MYO18B: variants seen among roughly 807,000 people sequenced by gnomAD.
MYO18B encodes myosin XVIIIB.
Under a neutral mutation model 273.0 loss-of-function variants are expected in MYO18B, and 204 were observed. The observed-to-expected ratio is 0.75, with a 90% CI of 0.67 to 0.84. MYO18B has a LOEUF of 0.84. Ranked by LOEUF, MYO18B falls within the 40% of genes least tolerant of loss-of-function variation. The pLI, the probability that MYO18B is intolerant of heterozygous loss-of-function variation, is 0.00. For synonymous variants in MYO18B, 1,330 were observed against 1,305.7 expected, an observed-to-expected ratio of 1.02 and a Z score of -0.40; for missense variants, 3,212 against 3,287.6, an observed-to-expected ratio of 0.98 and a Z score of 0.56.
chr22:25,954,706 TTTTA>T (rs999507618), intron 38 of MYO18B, among the ~76,000 whole-genome samples: 2 of 152,180 alleles, frequency 1.3e-5, no homozygotes, highest in East Asian at 1.9e-4. Flanking sequence ...ATAGCAGTTA[TTTTA>T]TTTATTTATT....
chr22:25,823,621 C>A lies in MYO18B; in HGVS notation c.2638C>A (p.Gln880Lys). The A allele has an allele frequency of 1.2e-6, 2 of 1,613,980 alleles. No homozygotes were observed. Among genetic ancestry groups the A allele is most frequent in the South Asian group, 2.2e-5 (2 of 91,076 alleles). The change falls in exon 13 of 44, where the codon CAG (glutamine) becomes AAG (lysine). Residue 880 changes from glutamine to lysine, a missense_variant. Gln to Lys is a moderately conservative substitution (Grantham distance 53). Coordinates refer to ENST00000335473, the MANE Select transcript of MYO18B (RefSeq NM_032608.7). ...CAAGCACCACCTTCGACAGATCATC[C>A]AGCAAATGACGTTTGGGCCAAGCCG... ...TFKHHLRQII[Q>K]QMTFGPSRWG...
At chr22:25,814,296 T>TTTTTTTTC in intron 12 of MYO18B, among the ~76,000 whole-genome samples, 1 of 7,688 alleles carries the variant, frequency 1.3e-4, no homozygotes, top group Non-Finnish European at 2.2e-4. Context: ...GCACCGTTCT[T>TTTTTTTTC]TTTTTTTTTT....
chr22:25,998,035 C>T (rs957020364), intron 40 of MYO18B, among the ~76,000 whole-genome samples: 2 of 150,770 alleles, frequency 1.3e-5, no homozygotes, highest in Non-Finnish European at 2.9e-5. Context: ...CTTTGAGAGA[C>T]TTGTTCAAAT....
intron 21 of MYO18B, among the ~76,000 whole-genome samples, chr22:25,860,559 A>G (rs1400258607): frequency 6.6e-6 from 1 of 152,312 alleles, no homozygotes; most frequent in South Asian, 2.1e-4. Flanking sequence ...GATATTTTCT[A>G]ATTCCTAGTG....
At chr22:26,032,586 A>G (rs545319387), downstream of MYO18B, among the ~76,000 whole-genome samples, 21 of 131,042 alleles carry the variant, frequency 1.6e-4, no homozygotes, top group South Asian at 2.7e-3. Context: ...CAGTGGTGTG[A>G]TCTCAGTTCA....
chr22:25,970,806 G>T (rs1340829350), intron 39 of MYO18B, among the ~76,000 whole-genome samples: 2 of 145,950 alleles, frequency 1.4e-5, no homozygotes, highest in African/African-American at 5.5e-5. Flanking sequence ...AAAGCGTCCT[G>T]CTGGAGAGAG....
chr22:26,054,696 A>AT, the MYO18B span, among the ~76,000 whole-genome samples: 1 of 152,054 alleles, frequency 6.6e-6, no homozygotes, highest in East Asian at 1.9e-4. Flanking sequence ...CTGAGCCTTG[A>AT]TTTTTTCCTC....
intron 16 of MYO18B, among the ~76,000 whole-genome samples, chr22:25,834,342 C>T (rs915491872): frequency 1.3e-5 from 2 of 152,110 alleles, no homozygotes; most frequent in Middle Eastern, 3.4e-3. Flanking sequence ...ACCTTCTGAG[C>T]GTGGGCTGGC....
intron 1 of MYO18B, among the ~76,000 whole-genome samples, chr22:25,748,735 C>T (rs967365975): frequency 2.0e-5 from 3 of 152,212 alleles, no homozygotes; most frequent in Admixed American, 6.5e-5. Flanking sequence ...AACCTTCCTG[C>T]CCTTGCTTCT....
intron 11 of MYO18B, among the ~76,000 whole-genome samples, chr22:25,793,161 G>A (rs1461506215): frequency 6.6e-6 from 1 of 152,190 alleles, no homozygotes; most frequent in East Asian, 1.9e-4. Context: ...CCTCTGTGCT[G>A]GGTGCTTTAC....
At chr22:25,742,893 G>A (rs953297765) in intron 1 of MYO18B, among the ~76,000 whole-genome samples, 1 of 152,230 alleles carries the variant, frequency 6.6e-6, no homozygotes, top group Non-Finnish European at 1.5e-5. Flanking sequence ...TGTCTTATCT[G>A]GCACCCCGGA....
intron 42 of MYO18B, among the ~76,000 whole-genome samples, chr22:26,021,295 T>G (rs1220434706): frequency 6.6e-6 from 1 of 152,208 alleles, no homozygotes; most frequent in African/African-American, 2.4e-5. Flanking sequence ...AGCATTTTCA[T>G]ATAAATACCC....
chr22:25,933,081 CTT>C (rs920791534), intron 34 of MYO18B, among the ~76,000 whole-genome samples: 2 of 152,084 alleles, frequency 1.3e-5, no homozygotes, highest in African/African-American at 4.8e-5. Context: ...CTCAGTCTGT[CTT>C]TTTTTATGAT....
intron 22 of MYO18B, among the ~76,000 whole-genome samples, chr22:25,871,926 C>T (rs2091057778): frequency 6.6e-6 from 1 of 152,172 alleles, no homozygotes; most frequent in South Asian, 2.1e-4. Flanking sequence ...TTTGGCAGCA[C>T]CCGCCATCTA....
rs146641383 is a variant in MYO18B, at chr22:25,818,175, C to T, written c.2522-5330C>T. ...AGTGTGTGATCCCCTCTGGAGTGGG[C>T]TGGGGGCAGGGGAAAATCCACTTCC... On this transcript the variant is annotated intron_variant, in intron 12 of 43. Transcript: ENST00000335473. 8.8e-4 allele frequency among the ~76,000 whole-genome samples: 134 copies of T among 152,310 alleles called. No individual in the cohort carries two copies. In the East Asian group the frequency reaches 0.023, roughly 26 times the overall value.
At chr22:25,784,455 ACCTTGT>A (rs2087292971) in intron 10 of MYO18B, among the ~76,000 whole-genome samples, 1 of 152,192 alleles carries the variant, frequency 6.6e-6, no homozygotes, top group Admixed American at 6.5e-5. Context: ...GAAGAGAATT[ACCTTGT>A]CTGCCACATG....
chr22:25,943,236 C>A (rs34948454), intron 34 of MYO18B, among the ~76,000 whole-genome samples: 1 of 152,152 alleles, frequency 6.6e-6, no homozygotes, highest in Non-Finnish European at 1.5e-5. Flanking sequence ...CTGCTCCTGC[C>A]GCCCAGACCT....
At chr22:25,821,837 T>TA (rs1216646847) in intron 12 of MYO18B, among the ~76,000 whole-genome samples, 1 of 152,180 alleles carries the variant, frequency 6.6e-6, no homozygotes, top group Non-Finnish European at 1.5e-5. Flanking sequence ...TTCTATGGAT[T>TA]AAAAAAGTAG....
intron 39 of MYO18B, 62 bp from the exon 40 acceptor site, chr22:25,992,301 G>A: frequency 6.3e-7 from 1 of 1,596,676 alleles, no homozygotes; most frequent in Non-Finnish European, 8.6e-7. Flanking sequence ...CTTCCCCAGT[G>A]CATGCATGGG....
Sources: allele counts gnomAD v4.1 joint callset (sites outside exome capture counted in the v4.1 genomes callset), GRCh38; gene constraint gnomAD v4.1.1; transcripts MANE v1.5; gene names NCBI Gene and HGNC (gene_info 2026-07-23, HGNC 2026-07-21).